Variants in SLC6A12 observed in about 807,000 individuals in gnomAD.
SLC6A12 encodes solute carrier family 6 member 12.
Under a neutral mutation model 73.3 loss-of-function variants are expected in SLC6A12, and 50 were observed. The observed-to-expected ratio is 0.68, with a 90% confidence interval of 0.54 to 0.86. The LOEUF (loss-of-function observed/expected upper bound fraction) is 0.86. Among genes scored for constraint, SLC6A12 ranks in the 40% least tolerant of loss-of-function variants. The probability of loss-of-function intolerance (pLI) is 0.00; values close to 1 mark genes in which losing one functional copy is unlikely to be tolerated. For missense variants in SLC6A12, 648 were observed against 772.8 expected (o/e 0.84, Z 1.92); for synonymous variants, 304 against 309.2 (o/e 0.98, Z 0.18).
At chr12:187,326 T>C (rs1186072388), downstream of SLC6A12, among the ~76,000 whole-genome samples, 1 of 152,002 alleles carries the variant, frequency 6.6e-6, no homozygotes, top group African/African-American at 2.4e-5. Context: ...CGGAGTTTGT[T>C]CCTTCTAACG....
intron 4 of SLC6A12, chr12:203,751 T>C (rs1472613912): frequency 3.5e-5 from 5 of 143,660 alleles, no homozygotes; most frequent in African/African-American, 1.3e-4. Context: ...TGGGGCTGTC[T>C]GGGAGAGGGG....
intron 14 of SLC6A12, 84 bp downstream of exon 14, chr12:193,193 C>T: frequency 1.0e-6 from 1 of 956,322 alleles, no homozygotes; most frequent in Non-Finnish European, 1.7e-6. Context: ...GGGGAAAGAG[C>T]CCTGCATGTC....
chr12:208,943 A>G (rs1940782626), intron 3 of SLC6A12, among the ~76,000 whole-genome samples: 1 of 152,284 alleles, frequency 6.6e-6, no homozygotes, highest in East Asian at 1.9e-4. Flanking sequence ...TTCTCCAACC[A>G]AAATTGCTTC....
intron 2 of SLC6A12, chr12:210,475 G>A (rs1940857521): frequency 5.7e-6 from 5 of 880,522 alleles, no homozygotes; most frequent in Non-Finnish European, 5.5e-6. Context: ...GGGCAGGTGT[G>A]GCCGAAGTGA....
At chr12:209,038 C>T (rs2137206752) in intron 3 of SLC6A12, among the ~76,000 whole-genome samples, 1 of 152,276 alleles carries the variant, frequency 6.6e-6, no homozygotes, top group Middle Eastern at 3.4e-3. Context: ...TGTGACCTCT[C>T]TGCCCTCACC....
chr12:188,071 C>T (rs1939467669), downstream of SLC6A12, among the ~76,000 whole-genome samples: 1 of 152,250 alleles, frequency 6.6e-6, no homozygotes, highest in African/African-American at 2.4e-5. Context: ...GGATCCCTCA[C>T]TGGGGCCACA....
downstream of SLC6A12, among the ~76,000 whole-genome samples, chr12:185,968 G>A (rs1174041716): frequency 3.9e-5 from 6 of 152,222 alleles, no homozygotes; most frequent in African/African-American, 2.4e-5. Context: ...CTGAGCAGCA[G>A]AACCTGCAAG....
downstream of SLC6A12, among the ~76,000 whole-genome samples, chr12:188,347 C>T (rs1565461698): frequency 6.6e-6 from 1 of 151,932 alleles, no homozygotes; most frequent in African/African-American, 2.4e-5. Context: ...CCCGGGCCGG[C>T]GGGGCCGGCA....
Position 198,343 on chromosome 12 carries a change from C to T in SLC6A12, c.847-340G>A, listed in dbSNP as rs866549327. On this transcript the variant is annotated intron_variant, in intron 8 of 15. Transcript: ENST00000684302. The surrounding 1 kb of genome is among the most constrained non-coding windows in gnomAD (Gnocchi z 4.0). Reference sequence around the variant, plus strand: ...GTCACTTGTCTCATTCAACTAAGATCTCTGTACATAGTGTCTTAAGCAGCT... The same window carrying T: ...GTCACTTGTCTCATTCAACTAAGATTTCTGTACATAGTGTCTTAAGCAGCT... Among the ~76,000 whole-genome samples, 7 of 152,360 alleles carry T rather than the reference C, an allele frequency of 4.6e-5. No individual in the cohort carries two copies. Among genetic ancestry groups the T allele is most frequent in the South Asian group, 2.1e-4 (1 of 4,828 alleles).
chr12:201,717 A>G (rs1190231753), intron 6 of SLC6A12, 45 bp downstream of exon 6: 1 of 1,472,108 alleles, frequency 6.8e-7, no homozygotes, highest in Non-Finnish European at 9.5e-7. Flanking sequence ...CAGCTCAGAC[A>G]TCCAAATTTC....
intron 13 of SLC6A12, among the ~76,000 whole-genome samples, chr12:193,722 C>T (rs377302088): frequency 3.3e-5 from 5 of 152,296 alleles, no homozygotes; most frequent in African/African-American, 9.6e-5. Flanking sequence ...CCTGTTTACC[C>T]GGGTAGCAGA....
At chr12:202,985 C>T (rs1940360604) in intron 4 of SLC6A12, 105 bp from the exon 5 acceptor site, 3 of 836,582 alleles carry the variant, frequency 3.6e-6, no homozygotes. Context: ...GGGTGCTACA[C>T]AAAGAGCACC....
downstream of SLC6A12, among the ~76,000 whole-genome samples, chr12:187,589 C>CAAAAGAGCAAAAAAAAAAAAAA (rs1939453849): frequency 3.8e-5 from 4 of 106,064 alleles, no homozygotes; most frequent in African/African-American, 1.6e-4. Context: ...TGCAAAAGAG[C>CAAAAGAGCAAAAAAAAAAAAAA]AAAAAAAAAA....
intron 1 of SLC6A12, 62 bp from the exon 2 acceptor site, chr12:212,172 A>G (rs557266496): frequency 6.6e-6 from 1 of 152,228 alleles, no homozygotes; most frequent in African/African-American, 2.4e-5. Flanking sequence ...TAAAAACAAG[A>G]CTCAATAAAG....
rs1013026327 is a variant in SLC6A12, at chr12:200,332, T to A, written c.711+319A>T. Among the ~76,000 whole-genome samples the A allele has an allele frequency of 3.9e-5, 6 of 151,942 alleles. No individual in the cohort carries two copies. The South Asian group carries it at 6.3e-4, about 16-fold the overall frequency. On this transcript the variant is annotated intron_variant, in intron 7 of 15. Coordinates refer to ENST00000684302, the MANE Select transcript of SLC6A12 (RefSeq NM_001122848.3). ...ACCGTGTTAGCCAGGATGGTCTCGATCTCCTGACCTCGTGATCCGCCAGCC... is the reference window on the plus strand; with the variant it reads ...ACCGTGTTAGCCAGGATGGTCTCGAACTCCTGACCTCGTGATCCGCCAGCC...
intron 14 of SLC6A12, chr12:193,031 A>T (rs1939684621): frequency 1.9e-6 from 1 of 533,386 alleles, no homozygotes; most frequent in Non-Finnish European, 3.4e-6. Flanking sequence ...AATCAGGCAG[A>T]AGCAGGAGGC....
chr12:191,906 CA>C lies in SLC6A12; in HGVS notation c.1701+571del, dbSNP rs764492643. On this transcript the variant is annotated intron_variant, in intron 15 of 15. Coordinates refer to ENST00000684302, the MANE Select transcript of SLC6A12 (RefSeq NM_001122848.3). The stretch of plus-strand genomic sequence containing the variant: ...ACCTTCTTGAAACATAAAAAACAAA[CA>C]AGCCTATTTGCTGAAACTGTTGGAG... Among the ~76,000 whole-genome samples the C allele has an allele frequency of 2.6e-5, 4 of 152,210 alleles. No homozygotes were observed. In the South Asian group the frequency reaches 6.2e-4, roughly 24 times the overall value.
chr12:187,451 G>GT (rs201167477), downstream of SLC6A12, among the ~76,000 whole-genome samples: 1,152 of 151,608 alleles, frequency 7.6e-3, 14 homozygotes, highest in African/African-American at 0.026. Context: ...CGCGTCTGGA[G>GT]TTTTTTTTTC....
chr12:201,897 C>T (rs201745095), intron 5 of SLC6A12, 48 bp from the exon 6 acceptor site: 1 of 1,512,032 alleles, frequency 6.6e-7, no homozygotes, highest in South Asian at 1.1e-5. Context: ...TGCTCTTATA[C>T]CCTAGTCCCC....
Sources: allele counts gnomAD v4.1 joint callset (sites outside exome capture counted in the v4.1 genomes callset), GRCh38; gene constraint gnomAD v4.1.1; non-coding constraint Gnocchi (gnomAD v3.1); transcripts MANE v1.5; gene names NCBI Gene and HGNC (gene_info 2026-07-23, HGNC 2026-07-21).